Variants in ATP6V1H observed in about 807,000 individuals in gnomAD.
ATP6V1H encodes the protein ATPase H+ transporting V1 subunit H, also known as V-type proton ATPase subunit H.
In ATP6V1H, 39 loss-of-function variants were observed where a neutral mutation model predicts 71.7. That is an observed-to-expected ratio of 0.54 (90% CI 0.42 to 0.71). The LOEUF (loss-of-function observed/expected upper bound fraction) is 0.71. ATP6V1H is among the 30% of genes least tolerant of loss of function. The pLI, the probability that ATP6V1H is intolerant of heterozygous loss-of-function variation, is 0.00. For synonymous variants in ATP6V1H, 192 were observed against 199.3 expected (o/e 0.96, Z 0.31); for missense variants, 509 against 594.9 (o/e 0.86, Z 1.50).
At chr8:53,826,396 A>T (rs1330934079) in intron 4 of ATP6V1H, among the ~76,000 whole-genome samples, 1 of 152,198 alleles carries the variant, frequency 6.6e-6, no homozygotes, top group Admixed American at 6.5e-5. Flanking sequence ...AACCAACCAC[A>T]ATGTCCATCA....
chr8:53,828,064 G>A (rs182221248), intron 4 of ATP6V1H, among the ~76,000 whole-genome samples: 39 of 152,192 alleles, frequency 2.6e-4, no homozygotes, highest in Middle Eastern at 3.4e-3. Flanking sequence ...GCGCTGCAAC[G>A]AACAAACACG....
At chr8:53,740,442 C>T (rs902392434) in intron 13 of ATP6V1H, among the ~76,000 whole-genome samples, 3 of 152,220 alleles carry the variant, frequency 2.0e-5, no homozygotes, top group Non-Finnish European at 2.9e-5. Context: ...CTGCCTGTCA[C>T]GCAGACCTTC....
intron 4 of ATP6V1H, among the ~76,000 whole-genome samples, chr8:53,826,725 T>C (rs952659952): frequency 1.8e-4 from 27 of 151,532 alleles, no homozygotes; most frequent in African/African-American, 6.1e-4. Context: ...GGCAGGCAGA[T>C]CACTTAAGGT....
chr8:53,728,506 A>T (rs1274774470), intron 13 of ATP6V1H, among the ~76,000 whole-genome samples: 1 of 152,268 alleles, frequency 6.6e-6, no homozygotes. Flanking sequence ...ACTTTTCAAA[A>T]TATGGCTACT....
At chr8:53,745,151 T>C (rs1195343514) in intron 12 of ATP6V1H, among the ~76,000 whole-genome samples, 2 of 152,140 alleles carry the variant, frequency 1.3e-5, no homozygotes, top group Admixed American at 6.5e-5. Flanking sequence ...TCCCAGCACT[T>C]TGAGAGACCA....
At chr8:53,840,358 C>G (rs1166418345) in intron 2 of ATP6V1H, among the ~76,000 whole-genome samples, 7 of 152,022 alleles carry the variant, frequency 4.6e-5, no homozygotes, top group Non-Finnish European at 8.8e-5. Context: ...ATTAGGCGGG[C>G]AAGGTGTCAG....
chr8:53,827,139 T>C (rs1320531138), intron 4 of ATP6V1H, among the ~76,000 whole-genome samples: 2 of 152,054 alleles, frequency 1.3e-5, no homozygotes, highest in Non-Finnish European at 2.9e-5. Flanking sequence ...CCCAGCACTT[T>C]GGGAGGCCGA....
chr8:53,716,128 T>C, intron 13 of ATP6V1H, 104 bp from the exon 14 acceptor site: 1 of 842,948 alleles, frequency 1.2e-6, no homozygotes, highest in Non-Finnish European at 1.8e-6. Flanking sequence ...TACTTTAACA[T>C]CCAAAAATAA....
chr8:53,728,385 G>T (rs1347394574), intron 13 of ATP6V1H, among the ~76,000 whole-genome samples: 1 of 151,982 alleles, frequency 6.6e-6, no homozygotes, highest in Non-Finnish European at 1.5e-5. Context: ...GACTCAGTGT[G>T]AAAAAAATGG....
chr8:53,820,528 G>A (rs891767773), intron 4 of ATP6V1H, among the ~76,000 whole-genome samples: 1 of 151,872 alleles, frequency 6.6e-6, no homozygotes, highest in African/African-American at 2.4e-5. Context: ...TTAGCAAGAT[G>A]TGGTGGTAAG....
chr8:53,792,929 C>A (rs926190728), intron 9 of ATP6V1H, among the ~76,000 whole-genome samples: 8 of 152,162 alleles, frequency 5.3e-5, no homozygotes, highest in Non-Finnish European at 8.8e-5. Context: ...CTTAACCTCT[C>A]GTGTCCTAGT....
intron 12 of ATP6V1H, among the ~76,000 whole-genome samples, chr8:53,751,543 TAAG>T (rs1807798863): frequency 6.6e-6 from 1 of 152,200 alleles, no homozygotes; most frequent in African/African-American, 2.4e-5. Context: ...TTTTTTTAAA[TAAG>T]AACTTGAAAC....
chr8:53,763,791 A>G (rs770832179), intron 11 of ATP6V1H, among the ~76,000 whole-genome samples: 1 of 152,244 alleles, frequency 6.6e-6, no homozygotes, highest in Non-Finnish European at 1.5e-5. Flanking sequence ...TCTCCCTGGA[A>G]GCTAGAGAGA....
At chr8:53,837,486 A>T (rs1811195053) in intron 2 of ATP6V1H, among the ~76,000 whole-genome samples, 1 of 144,928 alleles carries the variant, frequency 6.9e-6, no homozygotes, top group Non-Finnish European at 1.5e-5. Context: ...AAGGCTGTAA[A>T]TGCTATGGAA....
intron 6 of ATP6V1H, among the ~76,000 whole-genome samples, chr8:53,813,659 G>A (rs1810355980): frequency 6.6e-6 from 1 of 152,088 alleles, no homozygotes. Flanking sequence ...CTGTAAGCCT[G>A]AAACTAACAC....
chr8:53,822,639 T>C (rs1810698099), intron 4 of ATP6V1H, among the ~76,000 whole-genome samples: 1 of 152,088 alleles, frequency 6.6e-6, no homozygotes, highest in Admixed American at 6.5e-5. Context: ...TAACACAGTA[T>C]GACAGTTGAG....
chr8:53,759,133 G>A (rs138668799), intron 11 of ATP6V1H, among the ~76,000 whole-genome samples: 46 of 152,334 alleles, frequency 3.0e-4, no homozygotes, highest in African/African-American at 1.1e-3. Context: ...ATTAACATTT[G>A]AGAAGCACAG....
At chr8:53,825,839 T>C (rs570838682) in intron 4 of ATP6V1H, among the ~76,000 whole-genome samples, 13 of 152,210 alleles carry the variant, frequency 8.5e-5, no homozygotes, top group Admixed American at 7.8e-4. Flanking sequence ...AACTTGGGTA[T>C]AAGGAAAAGC....
At chr8:53,824,495 A>G (rs1810766180) in intron 4 of ATP6V1H, among the ~76,000 whole-genome samples, 1 of 152,182 alleles carries the variant, frequency 6.6e-6, no homozygotes, top group Non-Finnish European at 1.5e-5. Context: ...AGAGAATTCA[A>G]TATCATATCA....
Sources: gnomAD v4.1 joint callset for allele counts (sites outside exome capture counted in the v4.1 genomes callset) on GRCh38, gnomAD v4.1.1 for gene constraint, MANE v1.5 for transcripts, NCBI Gene and HGNC (gene_info 2026-07-23, HGNC 2026-07-21) for gene names.